The following ATP10B variants were observed in gnomAD, a reference collection of about 807,000 sequenced individuals.
ATP10B encodes ATPase phospholipid transporting 10B (putative).
ATP10B carries 122 observed loss-of-function variants against 141.2 expected under a neutral mutation model. The observed-to-expected ratio is 0.86, with a 90% CI of 0.75 to 1.00. The LOEUF is 1.00. ATP10B is among the 50% of genes least tolerant of loss of function. The pLI, the probability that ATP10B is intolerant of heterozygous loss-of-function variation, is 0.00. For synonymous variants in ATP10B, 685 were observed against 692.0 expected (o/e 0.99, Z 0.16); for missense variants, 1,876 against 1,825.3 (o/e 1.03, Z -0.51).
chr5:160,636,227 G>A lies in ATP10B; in HGVS notation c.1083C>T (p.Ala361=), dbSNP rs375949045. ...PDANGSFLPS[A]LGGFYMFLTM... is the part of the protein sequence containing the mutation. Reference sequence around the variant, plus strand: ...TGAGGAACATGTAGAAGCCCCCAAGGGCACTGGGAAGGAAGCTGCCATTGG... The same window carrying A: ...TGAGGAACATGTAGAAGCCCCCAAGAGCACTGGGAAGGAAGCTGCCATTGG... The change falls in exon 11 of 26, where the codon GCC becomes GCT. Residue 361 remains alanine (A), a synonymous_variant. Coordinates refer to ENST00000327245, the MANE Select transcript of ATP10B (RefSeq NM_025153.3). The A allele has an allele frequency of 1.2e-6, 2 of 1,613,516 alleles. No homozygotes were observed. The highest frequency in any genetic ancestry group is 1.7e-6 in the Non-Finnish European group (2 of 1,179,702).
At chr5:160,869,815 A>G in the ATP10B span, among the ~76,000 whole-genome samples, 12 of 152,298 alleles carry the variant, frequency 7.9e-5, no homozygotes, top group Non-Finnish European at 1.8e-4. Context: ...AACTGTGGAC[A>G]AATCTGAGTT....
intron 1 of ATP10B, among the ~76,000 whole-genome samples, chr5:160,831,477 A>T (rs1775077009): frequency 6.6e-6 from 1 of 152,132 alleles, no homozygotes; most frequent in African/African-American, 2.4e-5. Context: ...GTGGGAAAAT[A>T]CAGATGAAAA....
intron 19 of ATP10B, among the ~76,000 whole-genome samples, chr5:160,605,280 A>T (rs912445300): frequency 2.0e-5 from 3 of 152,212 alleles, no homozygotes; most frequent in Non-Finnish European, 4.4e-5. Context: ...CTGATGACAC[A>T]TTTATTGGTC....
intron 8 of ATP10B, among the ~76,000 whole-genome samples, chr5:160,644,790 T>C (rs1182040536): frequency 6.6e-6 from 1 of 152,128 alleles, no homozygotes; most frequent in Non-Finnish European, 1.5e-5. Flanking sequence ...CCACCCTTTG[T>C]TTAGCATATA....
chr5:160,623,064 A>G (rs1038691291), intron 13 of ATP10B, among the ~76,000 whole-genome samples: 5 of 152,060 alleles, frequency 3.3e-5, no homozygotes, highest in Admixed American at 1.3e-4. Context: ...CACAGTTTGC[A>G]TTTTCACTCT....
At chr5:160,593,794 T>C (rs1263502231) in intron 22 of ATP10B, among the ~76,000 whole-genome samples, 1 of 151,782 alleles carries the variant, frequency 6.6e-6, no homozygotes, top group Non-Finnish European at 1.5e-5. Context: ...TGTGATCAAC[T>C]TGAAATGAAT....
rs926112251 is a variant in ATP10B at position 160,698,713 on chromosome 5, A to G, written c.-204-9770T>C. On this transcript the variant is annotated intron_variant, in intron 3 of 25. Transcript: ENST00000327245. ...GATATATATATATACATGGAAAGGTACTGAATAGGCTACCAATGGGAAATT... is the reference window on the plus strand; with the variant it reads ...GATATATATATATACATGGAAAGGTGCTGAATAGGCTACCAATGGGAAATT... Among the ~76,000 whole-genome samples, 4 of 152,300 alleles carry G rather than the reference A, an allele frequency of 2.6e-5. No individual in the cohort carries two copies. In the East Asian group the frequency reaches 7.7e-4, roughly 29 times the overall value.
chr5:160,736,433 A>C (rs1461402376), intron 2 of ATP10B, among the ~76,000 whole-genome samples: 1 of 152,188 alleles, frequency 6.6e-6, no homozygotes, highest in Non-Finnish European at 1.5e-5. Flanking sequence ...ATCTGAACAG[A>C]CCAATAACAA....
intron 1 of ATP10B, among the ~76,000 whole-genome samples, chr5:160,793,324 T>A (rs1771721650): frequency 6.6e-6 from 1 of 152,182 alleles, no homozygotes; most frequent in Admixed American, 6.6e-5. Flanking sequence ...TATTTTAATA[T>A]GTTCCAAAGC....
At chr5:160,586,100 G>A (rs1049474230) in intron 24 of ATP10B, among the ~76,000 whole-genome samples, 2 of 152,142 alleles carry the variant, frequency 1.3e-5, no homozygotes, top group Admixed American at 1.3e-4. Context: ...CATGCATTAG[G>A]TATTTGTCCT....
chr5:160,670,642 A>G lies in ATP10B; in HGVS notation c.496T>C (p.Cys166Arg). The change falls in exon 7 of 26, where the codon TGC becomes CGC. Residue 166 changes from cysteine to arginine, a missense_variant. Physicochemically the swap from Cys to Arg is radical, Grantham distance 180. Coordinates refer to ENST00000327245, the MANE Select transcript of ATP10B (RefSeq NM_025153.3). Reference protein sequence around the residue: ...ERKEQTYVQKCWKDVRVGDFI... With the variant: ...ERKEQTYVQKRWKDVRVGDFI... ...TCTCCCACGCGCACATCCTTCCAGC[A>G]CTTCTGCACATAGGTCTGCTCTTTT... 6.2e-7 allele frequency: 1 copy of G among 1,613,732 alleles called. No homozygotes were observed. Among genetic ancestry groups the G allele is most frequent in the Non-Finnish European group, 8.5e-7 (1 of 1,179,812 alleles).
rs1366336168 is a variant in ATP10B at position 160,563,756 on chromosome 5, T to A, written c.*1697A>T. 3 of 152,054 alleles carry A rather than the reference T, an allele frequency of 2.0e-5. No individual in the cohort carries two copies. Among genetic ancestry groups the A allele is most frequent in the African/African-American group, 7.2e-5 (3 of 41,388 alleles). 9.4% of individuals were successfully genotyped at this position (152,054 alleles called of 1,614,324 possible). ...CTGGCTTTTAGTAGTAGCCAGAAAT[T>A]GGGGGAAAAATTGAGGTACCTGAGA... On this transcript the variant is annotated 3_prime_UTR_variant, in exon 26 of 26. Transcript: ENST00000327245.
intron 25 of ATP10B, among the ~76,000 whole-genome samples, chr5:160,566,280 C>T (rs1285845312): frequency 6.6e-6 from 1 of 152,240 alleles, no homozygotes; most frequent in Non-Finnish European, 1.5e-5. Flanking sequence ...GAACCACACT[C>T]TCTGAATCCA....
At chr5:160,615,245 G>A (rs1308332026) in intron 17 of ATP10B, among the ~76,000 whole-genome samples, 4 of 151,856 alleles carry the variant, frequency 2.6e-5, no homozygotes, top group African/African-American at 4.8e-5. Context: ...TTTCCCCCCA[G>A]CCCGGGACCT....
intron 1 of ATP10B, among the ~76,000 whole-genome samples, chr5:160,818,927 C>T (rs1349898368): frequency 1.3e-5 from 2 of 152,114 alleles, no homozygotes; most frequent in African/African-American, 4.8e-5. Flanking sequence ...CATGTTCTCA[C>T]TCATAGGTGG....
intron 2 of ATP10B, among the ~76,000 whole-genome samples, chr5:160,766,482 T>A (rs529571349): frequency 1.4e-4 from 22 of 152,100 alleles, no homozygotes; most frequent in African/African-American, 4.8e-4. Context: ...TCTAAGTAGG[T>A]AACTCGGTAA....
At chr5:160,811,106 G>T (rs781290193) in intron 1 of ATP10B, among the ~76,000 whole-genome samples, 4 of 152,164 alleles carry the variant, frequency 2.6e-5, no homozygotes, top group Admixed American at 6.5e-5. Context: ...GAAGGACCCA[G>T]TCCCAGTCCT....
At chr5:160,926,508 C>G in the ATP10B span, among the ~76,000 whole-genome samples, 1 of 152,314 alleles carries the variant, frequency 6.6e-6, no homozygotes, top group Non-Finnish European at 1.5e-5. Context: ...AACAGGATCA[C>G]AGGAGCCAAC....
At chr5:160,571,179 G>A (rs1181771323) in intron 24 of ATP10B, among the ~76,000 whole-genome samples, 1 of 151,890 alleles carries the variant, frequency 6.6e-6, no homozygotes, top group African/African-American at 2.4e-5. Flanking sequence ...ATTTCTTTCT[G>A]AGACTCTGAT....
Sources: gnomAD v4.1 joint callset for allele counts (sites outside exome capture counted in the v4.1 genomes callset) on GRCh38, gnomAD v4.1.1 for gene constraint, MANE v1.5 for transcripts, NCBI Gene and HGNC (gene_info 2026-07-23, HGNC 2026-07-21) for gene names.